The following NKAIN1 variants were observed in gnomAD, a reference collection of about 807,000 sequenced individuals.
The protein encoded by NKAIN1 is sodium/potassium transporting ATPase interacting 1, also known as sodium/potassium-transporting ATPase subunit beta-1-interacting protein 1.
A neutral mutation model predicts 31.6 loss-of-function variants in NKAIN1; 13 were observed. The observed-to-expected ratio is 0.41, with a 90% confidence interval of 0.27 to 0.65. NKAIN1 has a LOEUF of 0.65. Among genes scored for constraint, NKAIN1 ranks in the 30% least tolerant of loss-of-function variants. The pLI is 0.30. For missense variants in NKAIN1, 193 were observed against 262.2 expected (o/e 0.74, Z 1.82); for synonymous variants, 104 against 109.0 (o/e 0.95, Z 0.28).
rs34522940 is a variant in NKAIN1 at position 31,213,042 on chromosome 1, G to GT, written c.55-24856dup. Among the ~76,000 whole-genome samples the GT allele has an allele frequency of 5.1e-3, 696 of 135,616 alleles. 13 individuals are homozygous for GT. Among genetic ancestry groups the GT allele is most frequent in the East Asian group, 0.04 (188 of 4,692 alleles). The allele number at this position is 135,616 out of a possible 152,430, so 89.0% of individuals were successfully genotyped here. On this transcript the variant is annotated intron_variant, in intron 1 of 6. Coordinates refer to ENST00000373736, the MANE Select transcript of NKAIN1 (RefSeq NM_024522.3). ...CACAAAATAAAAAGCTTTTTCTTTT[G>GT]TTTTTTTTTTTTTTGAAAAACATTA...
intron 1 of NKAIN1, among the ~76,000 whole-genome samples, chr1:31,207,429 G>A (rs746509592): frequency 6.6e-6 from 1 of 152,180 alleles, no homozygotes; most frequent in South Asian, 2.1e-4. Context: ...TGTTAGCTAC[G>A]ATGATTGTTC....
chr1:31,231,789 C>G (rs1453877926), intron 1 of NKAIN1, among the ~76,000 whole-genome samples: 1 of 152,198 alleles, frequency 6.6e-6, no homozygotes, highest in African/African-American at 2.4e-5. Flanking sequence ...CTTGGCCTCC[C>G]AAAGTGCCGG....
rs186921785 is a variant in NKAIN1 at position 31,199,754 on chromosome 1, G to T, written c.55-11567C>A. 8.7e-4 allele frequency among the ~76,000 whole-genome samples: 133 copies of T among 152,316 alleles called. 1 individual carries two copies. Among genetic ancestry groups the T allele is most frequent in the Admixed American group, 3.5e-3 (53 of 15,294 alleles). ...CCAAGTGGTCTTTGACCCTGCCAAA[G>T]AAGATGGGCCCAGTAAGGACTCAAT... On this transcript the variant is annotated intron_variant, in intron 1 of 6. Coordinates refer to ENST00000373736, the MANE Select transcript of NKAIN1 (RefSeq NM_024522.3).
rs567664917 is a variant in NKAIN1, at chr1:31,191,070, C to A, written c.55-2883G>T. On this transcript the variant is annotated intron_variant, in intron 1 of 6. Coordinates refer to ENST00000373736, the MANE Select transcript of NKAIN1 (RefSeq NM_024522.3). ...CTTTGGGAGGCCAAGGTCGGCGGACCACTTGAGGTCAGGAGCTCAAGACCA... is the reference window on the plus strand; with the variant it reads ...CTTTGGGAGGCCAAGGTCGGCGGACAACTTGAGGTCAGGAGCTCAAGACCA... Among the ~76,000 whole-genome samples, 11 of 152,320 alleles carry A rather than the reference C, an allele frequency of 7.2e-5. No homozygotes were observed. The South Asian group carries it at 1.5e-3, about 20-fold the overall frequency.
chr1:31,234,207 G>A (rs1398163222), intron 1 of NKAIN1, among the ~76,000 whole-genome samples: 2 of 152,156 alleles, frequency 1.3e-5, no homozygotes, highest in African/African-American at 2.4e-5. Flanking sequence ...GGGGCCAGTG[G>A]CCTGCATAAT....
At chr1:31,212,727 C>G (rs11587554) in intron 1 of NKAIN1, among the ~76,000 whole-genome samples, 100,746 of 150,134 alleles carry the variant, frequency 0.67, 34,754 homozygotes, top group Middle Eastern at 0.86. Context: ...TTGGCCAGGC[C>G]CGGTGGCTCA....
At chr1:31,205,450 G>A (rs956413183) in intron 1 of NKAIN1, among the ~76,000 whole-genome samples, 7 of 151,836 alleles carry the variant, frequency 4.6e-5, no homozygotes, top group Non-Finnish European at 7.4e-5. Context: ...CCACAACTAC[G>A]GGCACGCCCC....
intron 1 of NKAIN1, among the ~76,000 whole-genome samples, chr1:31,192,365 G>C (rs1645293113): frequency 6.6e-6 from 1 of 152,098 alleles, no homozygotes; most frequent in Non-Finnish European, 1.5e-5. Context: ...AGAACGTTTA[G>C]TCTATGTCAG....
intron 1 of NKAIN1, among the ~76,000 whole-genome samples, chr1:31,200,663 A>G (rs1195403859): frequency 6.6e-6 from 1 of 151,256 alleles, no homozygotes; most frequent in East Asian, 1.9e-4. Context: ...GTCTCACTAT[A>G]TTTCCCAGGC....
rs373396316 is a variant in NKAIN1 at position 31,182,653 on chromosome 1, G to C, written c.472-63C>G. 2,357 of 1,586,666 alleles carry C rather than the reference G, an allele frequency of 1.5e-3. 4 individuals carry two copies. The highest frequency in any genetic ancestry group is 1.8e-3 in the Non-Finnish European group (2,085 of 1,156,350). On this transcript the variant is annotated intron_variant, in intron 4 of 6. Transcript: ENST00000373736. ...GTGGGAACCTCTTCCTCCGCCCCCT[G>C]CCGGGCCCTGTACGCTCTGACTGGC...
At chr1:31,207,493 A>C (rs1645433908) in intron 1 of NKAIN1, among the ~76,000 whole-genome samples, 1 of 152,172 alleles carries the variant, frequency 6.6e-6, no homozygotes, top group African/African-American at 2.4e-5. Flanking sequence ...TCATGTACTG[A>C]AGGAGAAAGG....
chr1:31,220,772 A>AAAAAAAAAAAG (rs1213472698), intron 1 of NKAIN1, among the ~76,000 whole-genome samples: 1 of 151,676 alleles, frequency 6.6e-6, no homozygotes, highest in African/African-American at 2.4e-5. Context: ...AAAAAAAAAA[A>AAAAAAAAAAAG]AAAGCATCCA....
chr1:31,182,534 G>A lies in NKAIN1; in HGVS notation c.528C>T (p.Asp176=), dbSNP rs771803931. 1 of 1,614,122 alleles carries A rather than the reference G, an allele frequency of 6.2e-7. No homozygotes were observed. The highest frequency in any genetic ancestry group is 1.1e-5 in the South Asian group (1 of 91,082). Residue 176 remains aspartate, a synonymous_variant, in exon 5 of 7, where the codon GAC becomes GAT. Coordinates refer to ENST00000373736, the MANE Select transcript of NKAIN1 (RefSeq NM_024522.3). ...YVSKVFLEEE[D]SFDFIGGFDS... ...CCCCAGGGGCGCCTTACTCACAGCT[G>A]TCCTCCTCCTCCAGGAACACTTTGC...
chr1:31,187,634 C>T lies in NKAIN1; in HGVS notation c.192+416G>A, dbSNP rs539438227. On this transcript the variant is annotated intron_variant, in intron 2 of 6. Coordinates refer to ENST00000373736, the MANE Select transcript of NKAIN1 (RefSeq NM_024522.3). ...TCACTGTTGATCTGATGTTCTAATC[C>T]TGCCTTGCTTTCATTAGCTGTGTGA... Among the ~76,000 whole-genome samples, 25 of 152,236 alleles carry T rather than the reference C, an allele frequency of 1.6e-4. No homozygotes were observed. In the East Asian group the frequency reaches 4.8e-3, roughly 29 times the overall value.
intron 2 of NKAIN1, 88 bp from the exon 3 acceptor site, chr1:31,185,415 A>G (rs1645234826): frequency 1.9e-6 from 2 of 1,042,348 alleles, no homozygotes. Flanking sequence ...GGATGAGGAG[A>G]TCTGGGCAGG....
chr1:31,188,053 G>A lies in NKAIN1; in HGVS notation c.189C>T (p.Ile63=). The A allele has an allele frequency of 6.4e-7, 1 of 1,553,266 alleles. No individual in the cohort carries two copies. The highest frequency in any genetic ancestry group is 8.7e-7 in the Non-Finnish European group (1 of 1,147,944). ...GTVQYRSRYL[I]LYAAWLVLWV... ...GAAGGGGCTAGGTGAGCCGTACCAG[G>A]ATGAGGTACCGGGAGCGGTACTGCA... is the stretch of plus-strand genomic sequence containing the variant. Residue 63 remains isoleucine (I), a synonymous_variant, in exon 2 of 7, where the codon ATC becomes ATT. Coordinates refer to ENST00000373736, the MANE Select transcript of NKAIN1 (RefSeq NM_024522.3).
intron 1 of NKAIN1, among the ~76,000 whole-genome samples, chr1:31,221,240 C>T (rs542234261): frequency 1.4e-4 from 21 of 152,204 alleles, no homozygotes; most frequent in Admixed American, 2.6e-4. Flanking sequence ...TTTAGGGACA[C>T]GGAAGTGGTA....
rs1022320455 is a variant in NKAIN1, at chr1:31,233,212, A to G, written c.54+6282T>C. Among the ~76,000 whole-genome samples the G allele has an allele frequency of 1.3e-5, 2 of 152,144 alleles. No homozygotes were observed. Among genetic ancestry groups the G allele is most frequent in the Non-Finnish European group, 2.9e-5 (2 of 68,020 alleles). On this transcript the variant is annotated intron_variant, in intron 1 of 6. Coordinates refer to ENST00000373736, the MANE Select transcript of NKAIN1 (RefSeq NM_024522.3). This position sits in a 1 kb window ranked among gnomAD's most constrained non-coding sequence, Gnocchi z 4.0. ...TGATCTGCATGCCTCGGCCTCCCAA[A>G]GTGCTGGGATTACAGGTGTGAGCTA... is the stretch of plus-strand genomic sequence containing the variant.
intron 1 of NKAIN1, among the ~76,000 whole-genome samples, chr1:31,194,513 T>C (rs1301183110): frequency 6.6e-6 from 1 of 150,564 alleles, no homozygotes; most frequent in Non-Finnish European, 1.5e-5. Context: ...TTCAAGTGAT[T>C]CTCCTGCCTC....
Sources: gnomAD v4.1 joint callset for allele counts (sites outside exome capture counted in the v4.1 genomes callset) on GRCh38, gnomAD v4.1.1 for gene constraint, Gnocchi (gnomAD v3.1) non-coding constraint, MANE v1.5 for transcripts, NCBI Gene and HGNC (gene_info 2026-07-23, HGNC 2026-07-21) for gene names.